ZMYM2: variants seen among roughly 807,000 people sequenced by gnomAD.
ZMYM2 encodes the protein zinc finger MYM-type containing 2.
A neutral mutation model predicts 162.8 loss-of-function variants in ZMYM2; 56 were observed. The ratio of observed to expected loss-of-function variants is 0.34; its 90% CI spans 0.28 to 0.43. The LOEUF is 0.43. ZMYM2 is among the 20% of genes least tolerant of loss of function. ZMYM2 has a pLI of 1.00. For missense variants in ZMYM2, 1,275 were observed against 1,621.8 expected (o/e 0.79, Z 3.67); for synonymous variants, 510 against 541.6 (o/e 0.94, Z 0.81).
intron 12 of ZMYM2, among the ~76,000 whole-genome samples, chr13:20,038,791 GTT>G (rs546076159): frequency 2.1e-5 from 3 of 143,074 alleles, no homozygotes; most frequent in Non-Finnish European, 1.5e-5. Context: ...GATTTTAAAA[GTT>G]TTTTTTTTTT....
At chr13:19,938,828 G>A in the ZMYM2 span, among the ~76,000 whole-genome samples, 46 of 151,432 alleles carry the variant, frequency 3.0e-4, 1 homozygote, top group African/African-American at 1.1e-3. Flanking sequence ...GTAACCTGAT[G>A]TTAATCAATC....
At chr13:20,074,322 C>T (rs1957327632) in intron 21 of ZMYM2, among the ~76,000 whole-genome samples, 1 of 151,646 alleles carries the variant, frequency 6.6e-6, no homozygotes, top group African/African-American at 2.4e-5. Flanking sequence ...CCCTCAACCT[C>T]CCAGGCTCAA....
At chr13:19,885,262 A>C in the ZMYM2 span, among the ~76,000 whole-genome samples, 1 of 152,138 alleles carries the variant, frequency 6.6e-6, no homozygotes, top group African/African-American at 2.4e-5. Context: ...CCACGGAGTG[A>C]GACCCTGTCT....
At chr13:19,939,349 A>G in the ZMYM2 span, among the ~76,000 whole-genome samples, 1 of 152,060 alleles carries the variant, frequency 6.6e-6, no homozygotes, top group Non-Finnish European at 1.5e-5. Flanking sequence ...GACAGTTCAT[A>G]AAATCTAATA....
chr13:19,877,536 C>A, the ZMYM2 span, among the ~76,000 whole-genome samples: 2 of 152,232 alleles, frequency 1.3e-5, no homozygotes, highest in Non-Finnish European at 2.9e-5. Flanking sequence ...CCAGATACTT[C>A]CCACTAGGCT....
chr13:19,927,986 T>G, the ZMYM2 span, among the ~76,000 whole-genome samples: 1 of 152,224 alleles, frequency 6.6e-6, no homozygotes, highest in Non-Finnish European at 1.5e-5. Context: ...AGTTGGGGTG[T>G]GTGCCTTTTT....
intron 2 of ZMYM2, among the ~76,000 whole-genome samples, chr13:19,970,773 A>G (rs910666470): frequency 4.6e-5 from 7 of 152,310 alleles, no homozygotes; most frequent in Non-Finnish European, 8.8e-5. Context: ...TGGGGGTTAC[A>G]GATTACAAAT....
At chr13:20,048,598 G>A (rs887151135) in intron 12 of ZMYM2, among the ~76,000 whole-genome samples, 5 of 151,916 alleles carry the variant, frequency 3.3e-5, no homozygotes, top group Admixed American at 6.6e-5. Context: ...CAAATGGATA[G>A]GAAAGTTTAA....
At chr13:20,079,705 T>C (rs1447400989) in intron 21 of ZMYM2, among the ~76,000 whole-genome samples, 1 of 152,236 alleles carries the variant, frequency 6.6e-6, no homozygotes, top group Non-Finnish European at 1.5e-5. Context: ...TATCATGGAT[T>C]GCCTAGAGAA....
chr13:19,887,780 A>T, the ZMYM2 span, among the ~76,000 whole-genome samples: 1 of 151,920 alleles, frequency 6.6e-6, no homozygotes, highest in South Asian at 2.1e-4. Flanking sequence ...ATCGTTTTAA[A>T]CATCTCTGAT....
chr13:20,062,923 G>C lies in ZMYM2; in HGVS notation c.2989G>C (p.Asp997His). 6.2e-7 allele frequency: 1 copy of C among 1,604,070 alleles called. No homozygotes were observed. Among genetic ancestry groups the C allele is most frequent in the Non-Finnish European group, 8.5e-7 (1 of 1,174,430 alleles). The change falls in exon 18 of 25, where the codon GAT becomes CAT. Residue 997 changes from aspartate (D) to histidine (H), a missense_variant. This residue lies in a region of ZMYM2 where 229 missense variants were observed against 283.8 expected (regional missense o/e 0.81). Transcript: ENST00000610343. The part of the protein sequence containing the change: ...SDPETQSSMP[D>H]VPYEPDLDIE... ...CCCAGAGACACAGTCCAGCATGCCT[G>C]ATGTACCATATGAACCAGATTTGGA...
Position 19,993,337 on chromosome 13 carries a change from A to G in ZMYM2, c.265A>G (p.Asn89Asp), listed in dbSNP as rs1340388611. Residue 89 changes from asparagine (N) to aspartate (D), a missense_variant, in exon 3 of 25, where the codon AAT (asparagine) becomes GAT (aspartate). Transcript: ENST00000610343. The part of the protein sequence containing the change: ...QRTITFTSSK[N>D]EELQGNDSKI... ...AACCATAACATTTACATCATCAAAA[A>G]ATGAAGAACTACAAGGAAATGATTC... is the stretch of plus-strand genomic sequence containing the variant. 9 of 1,613,930 alleles carry G rather than the reference A, an allele frequency of 5.6e-6. No homozygotes were observed. Among genetic ancestry groups the G allele is most frequent in the Non-Finnish European group, 6.8e-6 (8 of 1,179,858 alleles).
intron 21 of ZMYM2, among the ~76,000 whole-genome samples, chr13:20,074,194 A>ATT (rs1165697269): frequency 5.2e-5 from 6 of 114,640 alleles, no homozygotes; most frequent in Non-Finnish European, 1.1e-4. Flanking sequence ...ATATGTCAGA[A>ATT]TTTGTGTGTG....
chr13:20,007,155 G>A (rs1950806462), intron 6 of ZMYM2, among the ~76,000 whole-genome samples: 1 of 151,212 alleles, frequency 6.6e-6, no homozygotes, highest in East Asian at 1.9e-4. Flanking sequence ...TTTTTTTTGA[G>A]ACGGAGTTTT....
intron 21 of ZMYM2, among the ~76,000 whole-genome samples, chr13:20,072,837 C>CT (rs1957191485): frequency 6.6e-6 from 1 of 151,694 alleles, no homozygotes; most frequent in African/African-American, 2.4e-5. Context: ...ATTTGTTAGC[C>CT]TAAGTTTGGT....
intron 3 of ZMYM2, among the ~76,000 whole-genome samples, chr13:19,998,300 G>A (rs564413423): frequency 6.6e-6 from 1 of 152,200 alleles, no homozygotes; most frequent in African/African-American, 2.4e-5. Context: ...TGATGTTGGA[G>A]GAAATAAAAA....
At chr13:19,872,119 G>A in the ZMYM2 span, among the ~76,000 whole-genome samples, 1 of 151,586 alleles carries the variant, frequency 6.6e-6, no homozygotes, top group Admixed American at 6.6e-5. Context: ...ACAGGTGTAA[G>A]CCACCATGTC....
intron 3 of ZMYM2, among the ~76,000 whole-genome samples, chr13:19,999,419 T>G (rs146143815): frequency 6.6e-6 from 1 of 152,262 alleles, no homozygotes. Flanking sequence ...TGATCAGTGA[T>G]CTTTGATGTT....
At chr13:19,941,253 A>C in the ZMYM2 span, among the ~76,000 whole-genome samples, 2 of 151,824 alleles carry the variant, frequency 1.3e-5, no homozygotes, top group African/African-American at 4.8e-5. Context: ...GGTTGCAATG[A>C]GTGGAGATTG....
Sources: gnomAD v4.1 joint callset for allele counts (sites outside exome capture counted in the v4.1 genomes callset) on GRCh38, gnomAD v4.1.1 for gene constraint, gnomAD v4.1.1 regional missense constraint, MANE v1.5 for transcripts, NCBI Gene and HGNC (gene_info 2026-07-23, HGNC 2026-07-21) for gene names.